FGFR3: variants seen among roughly 807,000 people sequenced by gnomAD.
FGFR3 encodes the protein FGFR-3.
In FGFR3, 25 loss-of-function variants were observed where a neutral mutation model predicts 82.9. The ratio of observed to expected loss-of-function variants is 0.30; its 90% confidence interval spans 0.22 to 0.42. FGFR3 has a LOEUF of 0.42. FGFR3 is among the 10% of genes least tolerant of loss of function. The pLI, the probability that FGFR3 is intolerant of heterozygous loss-of-function variation, is 1.00. For synonymous variants in FGFR3, 620 were observed against 516.0 expected (o/e 1.20, Z -2.73); for missense variants, 1,026 against 1,161.0 (o/e 0.88, Z 1.69).
intron 2 of FGFR3, among the ~76,000 whole-genome samples, chr4:1,794,418 C>T (rs1344829831): frequency 1.3e-5 from 2 of 152,204 alleles, no homozygotes; most frequent in Non-Finnish European, 2.9e-5. Context: ...TTGTTGGCGT[C>T]CCCCTCCCCC....
chr4:1,804,737 C>T, intron 9 of FGFR3, 87 bp from the exon 10 acceptor site: 1 of 1,509,288 alleles, frequency 6.6e-7, no homozygotes. Flanking sequence ...CAGAACGCCC[C>T]CCCTTCTGGC....
At position 1,805,546 on chromosome 4, in the gene FGFR3, G is replaced by A. The variant is rs764963092; in HGVS notation, c.1535-13G>A. 1.6e-5 allele frequency: 25 copies of A among 1,612,776 alleles called. No individual in the cohort carries two copies. The highest frequency in any genetic ancestry group is 4.5e-5 in the East Asian group (2 of 44,894). The stretch of plus-strand genomic sequence containing the variant: ...CGCCGCCGCCTGACACAGGCCCCCC[G>A]CTCCGTGCACAGACGATGCCACTGA... On this transcript the variant is annotated splice_polypyrimidine_tract_variant and intron_variant, in intron 11 of 17. Coordinates refer to ENST00000440486, the MANE Select transcript of FGFR3 (RefSeq NM_000142.5).
intron 2 of FGFR3, among the ~76,000 whole-genome samples, chr4:1,798,004 C>T (rs1333075122): frequency 6.6e-6 from 1 of 152,168 alleles, no homozygotes; most frequent in Non-Finnish European, 1.5e-5. Flanking sequence ...AAGAAGGAGG[C>T]TGCCTGGGGG....
chr4:1,801,888 G>C lies in FGFR3; in HGVS notation c.793G>C (p.Ala265Pro), dbSNP rs151254213. The C allele has an allele frequency of 6.2e-7, 1 of 1,610,990 alleles. No homozygotes were observed. The highest frequency in any genetic ancestry group is 8.5e-7 in the Non-Finnish European group (1 of 1,178,834). ...LQAGLPANQT[A>P]VLGSDVEFHC... is the part of the protein sequence containing the mutation. ...GGCGGGGCTGCCGGCCAACCAGACG[G>C]CGGTGCTGGGCAGCGACGTGGAGTT... The change falls in exon 7 of 18, where the codon GCG (alanine) becomes CCG (proline). Residue 265 changes from alanine to proline, a missense_variant. By Grantham distance (27) the Ala-to-Pro change is conservative (BLOSUM62 -1). Transcript: ENST00000440486.
chr4:1,806,745 C>T (rs1276205678), intron 16 of FGFR3, 62 bp downstream of exon 16: 12 of 702,722 alleles, frequency 1.7e-5, no homozygotes, highest in South Asian at 2.8e-5. Flanking sequence ...CGGGGCTGGG[C>T]GGGGGAGGGA....
Position 1,807,334 on chromosome 4 carries a change from C to A in FGFR3, c.*72C>A, listed in dbSNP as rs766648143. ...CTGCTGCTGGTGCACAGCCACTCCC[C>A]GGCATGAGACTCAGTGCAGATGGAG... On this transcript the variant is annotated 3_prime_UTR_variant, in exon 18 of 18. Transcript: ENST00000440486. 1 of 1,530,674 alleles carries A rather than the reference C, an allele frequency of 6.5e-7. No homozygotes were observed. The highest frequency in any genetic ancestry group is 1.2e-5 in the South Asian group (1 of 84,162). The allele number at this position is 1,530,674 out of a possible 1,614,324, so 94.8% of individuals were successfully genotyped here. A position where few individuals can be genotyped will look rare whatever the true frequency, so the allele number is the denominator to read the frequency against.
At chr4:1,797,295 C>T (rs1720626032) in intron 2 of FGFR3, among the ~76,000 whole-genome samples, 1 of 152,198 alleles carries the variant, frequency 6.6e-6, no homozygotes, top group African/African-American at 2.4e-5. Flanking sequence ...ATAGCACCCA[C>T]TCATGCCCCG....
intron 4 of FGFR3, among the ~76,000 whole-genome samples, chr4:1,800,749 G>C (rs1192957591): frequency 6.6e-6 from 1 of 152,176 alleles, no homozygotes; most frequent in East Asian, 1.9e-4. Context: ...TGGAGTCCCG[G>C]CAGGAAGGCA....
chr4:1,803,381 G>T (rs952448636), intron 7 of FGFR3, among the ~76,000 whole-genome samples: 2 of 152,036 alleles, frequency 1.3e-5, no homozygotes, highest in Non-Finnish European at 2.9e-5. Flanking sequence ...GCTCGCTTCC[G>T]CAGCCTGTGT....
chr4:1,806,388 C>G (rs1463647699), intron 15 of FGFR3, 61 bp downstream of exon 15: 2 of 1,605,866 alleles, frequency 1.2e-6, no homozygotes, highest in Non-Finnish European at 1.7e-6. Context: ...AGAGCCAGGA[C>G]CCCAGCTGCA....
In FGFR3 at chr4:1,804,416, C is replaced by CTGG. The variant is rs772334224; in HGVS notation, c.1169_1171dup (p.Val390dup). The CTGG allele has an allele frequency of 1.2e-6, 2 of 1,613,088 alleles. No individual in the cohort carries two copies. Among genetic ancestry groups the CTGG allele is most frequent in the South Asian group, 2.2e-5 (2 of 91,008 alleles). Reference sequence around the variant, plus strand: ...CGGGGTGGGCTTCTTCCTGTTCATCCTGGTGGTGGCGGCTGTGACGCTCTG... The same window carrying CTGG: ...CGGGGTGGGCTTCTTCCTGTTCATCCTGGTGGTGGTGGCGGCTGTGACGCTCTG... On this transcript the variant is annotated inframe_insertion, in exon 9 of 18. Coordinates refer to ENST00000440486, the MANE Select transcript of FGFR3 (RefSeq NM_000142.5).
At position 1,807,063 on chromosome 4, in the gene FGFR3, C is replaced by G. The variant is rs971950850; in HGVS notation, c.2275-53C>G. ...GGGCACAGCCTGGGCACAGAGGTGG[C>G]TGTGCGAAGAGGGGCTCGGTGGCAC... On this transcript the variant is annotated intron_variant, in intron 17 of 17. Transcript: ENST00000440486. 105 of 1,553,090 alleles carry G rather than the reference C, an allele frequency of 6.8e-5. No individual in the cohort carries two copies. Among genetic ancestry groups the G allele is most frequent in the Non-Finnish European group, 9.0e-5 (104 of 1,149,374 alleles).
In FGFR3 at chr4:1,805,957, G is replaced by A. The variant is rs2108805390; in HGVS notation, c.1836+17G>A. Reference sequence around the variant, plus strand: ...TCCCAGAAGGTGGGCAGGGCGGCAGGTGTGGGTGGAGTAGGCTGGGCCCTG... The same window carrying A: ...TCCCAGAAGGTGGGCAGGGCGGCAGATGTGGGTGGAGTAGGCTGGGCCCTG... On this transcript the variant is annotated intron_variant, in intron 13 of 17. Coordinates refer to ENST00000440486, the MANE Select transcript of FGFR3 (RefSeq NM_000142.5). 6.2e-7 allele frequency: 1 copy of A among 1,608,546 alleles called. No homozygotes were observed. Among genetic ancestry groups the A allele is most frequent in the South Asian group, 1.1e-5 (1 of 90,802 alleles).
intron 9 of FGFR3, 56 bp downstream of exon 9, chr4:1,804,576 C>T: frequency 6.3e-7 from 1 of 1,598,656 alleles, no homozygotes. Flanking sequence ...CCTCCTGGAG[C>T]CCCACCTCGG....
chr4:1,797,333 G>A (rs193037830), intron 2 of FGFR3, among the ~76,000 whole-genome samples: 1 of 152,118 alleles, frequency 6.6e-6, no homozygotes, highest in African/African-American at 2.4e-5. Context: ...CCTGGTGCTC[G>A]CCACCCAGCC....
Position 1,799,260 on chromosome 4 carries a change from C to T in FGFR3, c.116C>T (p.Pro39Leu), listed in dbSNP as rs769591617. ...QRVVGRAAEVPGPEPGQQEQL... is the reference protein window; with the variant it reads ...QRVVGRAAEVLGPEPGQQEQL... ...TTGCCCATCTTCCCCACAGAAGTCCCGGGCCCAGAGCCCGGCCAGCAGGAG... is the reference window on the plus strand; with the variant it reads ...TTGCCCATCTTCCCCACAGAAGTCCTGGGCCCAGAGCCCGGCCAGCAGGAG... Residue 39 changes from proline to leucine, a missense_variant, in exon 3 of 18, where the codon CCG becomes CTG. Physicochemically the swap from Pro to Leu is moderately conservative, Grantham distance 98. Coordinates refer to ENST00000440486, the MANE Select transcript of FGFR3 (RefSeq NM_000142.5). 1.4e-5 allele frequency: 22 copies of T among 1,612,384 alleles called. No individual in the cohort carries two copies. Among genetic ancestry groups the T allele is most frequent in the Admixed American group, 1.0e-4 (6 of 60,010 alleles).
In FGFR3 at chr4:1,807,099, C is replaced by T. The variant is rs1383963327; in HGVS notation, c.2275-17C>T. On this transcript the variant is annotated splice_polypyrimidine_tract_variant and intron_variant, in intron 17 of 17. Transcript: ENST00000440486. ...GGGGCTCGGTGGCACAGCGCTCACC[C>T]CGCCTCCCGCCAGCAGGAGTACCTG... 1.3e-6 allele frequency: 2 copies of T among 1,566,386 alleles called. No homozygotes were observed. The highest frequency in any genetic ancestry group is 1.7e-6 in the Non-Finnish European group (2 of 1,156,294).
chr4:1,795,423 C>T (rs1173167384), intron 2 of FGFR3, among the ~76,000 whole-genome samples: 3 of 151,216 alleles, frequency 2.0e-5, no homozygotes, highest in Non-Finnish European at 3.0e-5. Flanking sequence ...AACGCCCCGC[C>T]CACCCCTCCC....
At chr4:1,795,271 C>G (rs558459981) in intron 2 of FGFR3, among the ~76,000 whole-genome samples, 1 of 152,100 alleles carries the variant, frequency 6.6e-6, no homozygotes, top group African/African-American at 2.4e-5. Flanking sequence ...GGGAGCTTGG[C>G]TTTCGCATTC....
Sources: gnomAD v4.1 joint callset for allele counts (sites outside exome capture counted in the v4.1 genomes callset) on GRCh38, gnomAD v4.1.1 for gene constraint, MANE v1.5 for transcripts, NCBI Gene and HGNC (gene_info 2026-07-23, HGNC 2026-07-21) for gene names.